The following DCC variants were observed in gnomAD, a reference collection of about 807,000 sequenced individuals.
The protein encoded by DCC is netrin receptor DCC.
In DCC, 58 loss-of-function variants were observed where a neutral mutation model predicts 172.5. The observed-to-expected ratio is 0.34, with a 90% CI of 0.27 to 0.42. The LOEUF (loss-of-function observed/expected upper bound fraction) is 0.42. Among genes scored for constraint, DCC ranks in the 10% least tolerant of loss-of-function variants. The probability of loss-of-function intolerance (pLI) is 1.00; values close to 1 mark genes in which losing one functional copy is unlikely to be tolerated. For missense variants in DCC, 1,740 were observed against 1,791.0 expected, an observed-to-expected ratio of 0.97 and a Z score of 0.51; for synonymous variants, 709 against 644.5, an observed-to-expected ratio of 1.10 and a Z score of -1.52.
chr18:52,612,062 T>C (rs541646081), intron 1 of DCC, among the ~76,000 whole-genome samples: 1 of 152,294 alleles, frequency 6.6e-6, no homozygotes, highest in African/African-American at 2.4e-5. Flanking sequence ...CTTCTGTGGG[T>C]TGATGACTCT....
intron 1 of DCC, among the ~76,000 whole-genome samples, chr18:52,376,822 G>A (rs1036287487): frequency 6.6e-6 from 1 of 152,166 alleles, no homozygotes; most frequent in Non-Finnish European, 1.5e-5. Flanking sequence ...AATACATGAA[G>A]TAGTAGCAAA....
chr18:53,396,238 T>A (rs1908933791), intron 17 of DCC, among the ~76,000 whole-genome samples: 1 of 152,156 alleles, frequency 6.6e-6, no homozygotes, highest in African/African-American at 2.4e-5. Flanking sequence ...AAAATAAAAG[T>A]ATTTAACTTC....
chr18:52,502,147 T>C (rs2031045582), intron 1 of DCC, among the ~76,000 whole-genome samples: 1 of 152,224 alleles, frequency 6.6e-6, no homozygotes, highest in African/African-American at 2.4e-5. Context: ...ATATTGTATA[T>C]AAGTTTGTAT....
At chr18:52,516,233 G>T (rs1442660760) in intron 1 of DCC, among the ~76,000 whole-genome samples, 1 of 152,062 alleles carries the variant, frequency 6.6e-6, no homozygotes, top group African/African-American at 2.4e-5. Flanking sequence ...TTGTACTCCT[G>T]GGCATTTATT....
At chr18:52,978,357 A>C (rs1038146166) in intron 5 of DCC, among the ~76,000 whole-genome samples, 4 of 152,210 alleles carry the variant, frequency 2.6e-5, no homozygotes, top group African/African-American at 9.6e-5. Flanking sequence ...GAAGTGGGCA[A>C]CACCTTGAAC....
At chr18:52,782,475 C>T (rs28485029) in intron 2 of DCC, among the ~76,000 whole-genome samples, 8,032 of 152,126 alleles carry the variant, frequency 0.053, 285 homozygotes, top group South Asian at 0.16. Context: ...TGGACCTACC[C>T]TAAGATTGCT....
chr18:53,075,969 C>T (rs1039048552), intron 7 of DCC, among the ~76,000 whole-genome samples: 2 of 152,126 alleles, frequency 1.3e-5, no homozygotes, highest in Non-Finnish European at 2.9e-5. Context: ...AAATTCCTGT[C>T]CCTTTACTGG....
At chr18:52,756,719 G>T (rs2037081903) in intron 2 of DCC, among the ~76,000 whole-genome samples, 1 of 151,984 alleles carries the variant, frequency 6.6e-6, no homozygotes, top group African/African-American at 2.4e-5. Flanking sequence ...TCTAAACGTT[G>T]CCAGCTATCT....
intron 14 of DCC, among the ~76,000 whole-genome samples, chr18:53,323,790 C>A (rs1445481091): frequency 6.6e-6 from 1 of 151,852 alleles, no homozygotes; most frequent in Non-Finnish European, 1.5e-5. Context: ...ATTAGGTATG[C>A]AAAAATACAT....
chr18:53,363,528 C>T lies in DCC; in HGVS notation c.2360-22515C>T, dbSNP rs537068949. 9.9e-4 allele frequency among the ~76,000 whole-genome samples: 151 copies of T among 152,158 alleles called. 2 individuals are homozygous for T. In the South Asian group the frequency reaches 0.029, roughly 29 times the overall value. On this transcript the variant is annotated intron_variant, in intron 15 of 28. Coordinates refer to ENST00000442544, the MANE Select transcript of DCC (RefSeq NM_005215.4). ...AGTGAATGTGCTCATGTGGGAGCTG[C>T]GTTCTTTTATAACTCTCCATTCTCT...
chr18:52,727,769 G>A (rs966016334), intron 1 of DCC, among the ~76,000 whole-genome samples: 13 of 152,110 alleles, frequency 8.5e-5, no homozygotes, highest in East Asian at 3.9e-4. Flanking sequence ...TGGTGGTGCC[G>A]GCTGGAATGG....
chr18:53,437,390 C>A lies in DCC; in HGVS notation c.3229+2181C>A, dbSNP rs372137862. 1.3e-3 allele frequency among the ~76,000 whole-genome samples: 194 copies of A among 152,008 alleles called. 3 individuals carry two copies. The highest frequency in any genetic ancestry group is 6.8e-3 in the Middle Eastern group (2 of 294). ...GGTCAGGAAATCGAGACCATCCTGG[C>A]TAACACGGTGAAACCCTGTCTCTAC... On this transcript the variant is annotated intron_variant, in intron 22 of 28. Coordinates refer to ENST00000442544, the MANE Select transcript of DCC (RefSeq NM_005215.4).
At chr18:53,124,028 A>G (rs774219252) in intron 7 of DCC, among the ~76,000 whole-genome samples, 44 of 152,184 alleles carry the variant, frequency 2.9e-4, no homozygotes, top group Non-Finnish European at 1.8e-4. Context: ...CCATCCCTGA[A>G]GTGCCTTCCC....
At chr18:53,234,413 G>GT (rs2056169916) in intron 12 of DCC, among the ~76,000 whole-genome samples, 1 of 151,964 alleles carries the variant, frequency 6.6e-6, no homozygotes, top group African/African-American at 2.4e-5. Context: ...GGGCGATAGA[G>GT]TAAGACCCTG....
chr18:53,029,052 T>A (rs969686333), intron 5 of DCC, among the ~76,000 whole-genome samples: 1 of 148,566 alleles, frequency 6.7e-6, no homozygotes, highest in African/African-American at 2.6e-5. Context: ...TGTGGATTCA[T>A]ATGAGCCATA....
chr18:53,333,776 A>C (rs1479266783), intron 14 of DCC, among the ~76,000 whole-genome samples: 2 of 152,224 alleles, frequency 1.3e-5, no homozygotes, highest in African/African-American at 4.8e-5. Context: ...ATACATGCTC[A>C]CACTATATCT....
intron 1 of DCC, among the ~76,000 whole-genome samples, chr18:52,618,800 T>A (rs1444682554): frequency 6.6e-6 from 1 of 152,242 alleles, no homozygotes; most frequent in Non-Finnish European, 1.5e-5. Context: ...GACTTTTAAT[T>A]CAGACAGAGC....
intron 1 of DCC, among the ~76,000 whole-genome samples, chr18:52,528,716 C>G (rs746690437): frequency 1.3e-5 from 2 of 152,190 alleles, no homozygotes; most frequent in Admixed American, 6.5e-5. Context: ...TCACTGACTT[C>G]TATGACAGGG....
chr18:52,562,379 C>A (rs565947812), intron 1 of DCC, among the ~76,000 whole-genome samples: 2 of 152,268 alleles, frequency 1.3e-5, no homozygotes, highest in African/African-American at 2.4e-5. Context: ...GCCTTTCTGA[C>A]AATCAACATT....
Sources: allele counts gnomAD v4.1 joint callset (sites outside exome capture counted in the v4.1 genomes callset), GRCh38; gene constraint gnomAD v4.1.1; transcripts MANE v1.5; gene names NCBI Gene and HGNC (gene_info 2026-07-23, HGNC 2026-07-21).